The following TMCO6 variants were observed in gnomAD, a reference collection of about 807,000 sequenced individuals.
The protein encoded by TMCO6 is transmembrane and coiled-coil domains 6.
In TMCO6, 47 loss-of-function variants were observed where a neutral mutation model predicts 61.8. That is an observed-to-expected ratio of 0.76 (90% CI 0.60 to 0.97). The LOEUF (loss-of-function observed/expected upper bound fraction) is 0.97. Among genes scored for constraint, TMCO6 ranks in the 50% least tolerant of loss-of-function variants. The pLI, the probability that TMCO6 is intolerant of heterozygous loss-of-function variation, is 0.00. For missense variants in TMCO6, 557 were observed against 601.6 expected (o/e 0.93, Z 0.78); for synonymous variants, 261 against 254.2 (o/e 1.03, Z -0.25).
the TMCO6 span, among the ~76,000 whole-genome samples, chr5:140,613,337 C>T: frequency 1.4e-5 from 2 of 140,158 alleles, no homozygotes; most frequent in Non-Finnish European, 1.5e-5. Flanking sequence ...TGCAGTGAGC[C>T]GAGATCGTGC....
Position 140,642,439 on chromosome 5 carries a change from C to T in TMCO6, c.603+20C>T. The T allele has an allele frequency of 6.2e-7, 1 of 1,609,542 alleles. No individual in the cohort carries two copies. Among genetic ancestry groups the T allele is most frequent in the South Asian group, 1.1e-5 (1 of 90,412 alleles). On this transcript the variant is annotated intron_variant, in intron 5 of 11. Coordinates refer to ENST00000394671, the MANE Select transcript of TMCO6 (RefSeq NM_018502.5). ...ATCCAGGTGACTCCTTTCTTCCTCC[C>T]TGGGCAACCCTTCCTTTGCTCCTCC... is the stretch of plus-strand genomic sequence containing the variant.
the TMCO6 span, among the ~76,000 whole-genome samples, chr5:140,612,207 G>T: frequency 4.6e-5 from 7 of 152,064 alleles, no homozygotes; most frequent in Admixed American, 2.6e-4. Context: ...CCAACCATCC[G>T]ACCACAAAGT....
the TMCO6 span, among the ~76,000 whole-genome samples, chr5:140,617,669 G>A: frequency 6.6e-6 from 1 of 151,352 alleles, no homozygotes; most frequent in East Asian, 1.9e-4. Flanking sequence ...AGGATGCGGA[G>A]GTTGCAGTGA....
At chr5:140,625,377 T>G in the TMCO6 span, among the ~76,000 whole-genome samples, 1 of 152,214 alleles carries the variant, frequency 6.6e-6, no homozygotes, top group African/African-American at 2.4e-5. Context: ...CCACTTGCTA[T>G]CTCTCTGATA....
rs760769436 is a variant in TMCO6, at chr5:140,639,721, C to A, written c.86-18C>A. On this transcript the variant is annotated intron_variant, in intron 1 of 11. Transcript: ENST00000394671. ...TGTGGTCGTCCTTCCCACGCTCAGC[C>A]GGCTCCTCTGCCCCCAGCACTGCGG... is the stretch of plus-strand genomic sequence containing the variant. 6.3e-7 allele frequency: 1 copy of A among 1,575,160 alleles called. No individual in the cohort carries two copies. The highest frequency in any genetic ancestry group is 8.6e-7 in the Non-Finnish European group (1 of 1,160,628).
At chr5:140,600,548 C>T in the TMCO6 span, among the ~76,000 whole-genome samples, 39 of 151,880 alleles carry the variant, frequency 2.6e-4, no homozygotes, top group African/African-American at 8.9e-4. Flanking sequence ...TCACTGCAAC[C>T]TTCGCCTCCC....
chr5:140,645,115 C>T lies in TMCO6; in HGVS notation c.*17C>T. 1 of 1,607,280 alleles carries T rather than the reference C, an allele frequency of 6.2e-7. No homozygotes were observed. Among genetic ancestry groups the T allele is most frequent in the Non-Finnish European group, 8.5e-7 (1 of 1,174,012 alleles). On this transcript the variant is annotated 3_prime_UTR_variant, in exon 12 of 12. Transcript: ENST00000394671. ...CAAGGGTGATCTTGTTTCTCAATGTCACTCATTCCCCTCTCTCTTAACATC... is the reference window on the plus strand; with the variant it reads ...CAAGGGTGATCTTGTTTCTCAATGTTACTCATTCCCCTCTCTCTTAACATC...
downstream of TMCO6, chr5:140,647,603 G>A: frequency 2.5e-6 from 4 of 1,606,066 alleles, no homozygotes; most frequent in Non-Finnish European, 3.4e-6. Context: ...TATCGAAGTC[G>A]CCAATTCCAG....
In TMCO6 at chr5:140,641,652, C is replaced by G. The variant is rs1288103370; in HGVS notation, c.199-13C>G. The G allele has an allele frequency of 6.2e-7, 1 of 1,610,706 alleles. No homozygotes were observed. Among genetic ancestry groups the G allele is most frequent in the African/African-American group, 1.3e-5 (1 of 75,002 alleles). ...TGAACCGTGTGTTCTCCTTTCCCTG[C>G]CCTGAACTCCAGGTGCAGCAGTTCC... is the stretch of plus-strand genomic sequence containing the variant. On this transcript the variant is annotated splice_polypyrimidine_tract_variant and intron_variant, in intron 2 of 11. Transcript: ENST00000394671.
upstream of TMCO6, among the ~76,000 whole-genome samples, chr5:140,636,596 C>T (rs1756776280): frequency 6.6e-6 from 1 of 151,682 alleles, no homozygotes; most frequent in African/African-American, 2.4e-5. Context: ...GGCTCAAGAT[C>T]CAGGCCCTAT....
intron 7 of TMCO6, 108 bp from the exon 8 acceptor site, chr5:140,643,456 C>T: frequency 1.9e-6 from 2 of 1,065,610 alleles, no homozygotes; most frequent in Non-Finnish European, 2.9e-6. Flanking sequence ...CTCAGCCTCC[C>T]AAAGTGCTGG....
At chr5:140,628,158 G>A in the TMCO6 span, among the ~76,000 whole-genome samples, 13 of 146,278 alleles carry the variant, frequency 8.9e-5, no homozygotes, top group East Asian at 4.2e-4. Context: ...AGAGGCATGC[G>A]CCACCACACC....
At chr5:140,628,999 T>G in the TMCO6 span, among the ~76,000 whole-genome samples, 1 of 152,204 alleles carries the variant, frequency 6.6e-6, no homozygotes. Flanking sequence ...TTGGGTGCAG[T>G]GGCTTATGCC....
chr5:140,637,587 G>A (rs977214737), upstream of TMCO6, among the ~76,000 whole-genome samples: 1 of 152,150 alleles, frequency 6.6e-6, no homozygotes, highest in Non-Finnish European at 1.5e-5. Flanking sequence ...TTCAGGCCAT[G>A]ATGGGAAGTA....
the TMCO6 span, chr5:140,632,738 A>G: frequency 6.2e-7 from 1 of 1,613,642 alleles, no homozygotes; most frequent in Non-Finnish European, 8.5e-7. The surrounding 1 kb of genome is among the most constrained non-coding windows in gnomAD (Gnocchi z 6.2). Context: ...CCGTGTCAGC[A>G]TACTGCCGCG....
chr5:140,639,306 G>A, upstream of TMCO6: 1 of 545,828 alleles, frequency 1.8e-6, no homozygotes, highest in Non-Finnish European at 3.3e-6. Flanking sequence ...GACGCCTCTG[G>A]CTCTGGTCTA....
the TMCO6 span, chr5:140,632,265 A>T: frequency 1.2e-6 from 2 of 1,613,718 alleles, no homozygotes; most frequent in Non-Finnish European, 1.7e-6. The surrounding 1 kb of genome is among the most constrained non-coding windows in gnomAD (Gnocchi z 6.2). Flanking sequence ...TGCGGCGCAC[A>T]CGCCTGTGGG....
chr5:140,638,211 C>T (rs1337987402), upstream of TMCO6, among the ~76,000 whole-genome samples: 2 of 152,162 alleles, frequency 1.3e-5, no homozygotes, highest in African/African-American at 2.4e-5. Context: ...CCCCATTGGC[C>T]GGGGTCGGGT....
chr5:140,628,128 C>A, the TMCO6 span, among the ~76,000 whole-genome samples: 2 of 151,502 alleles, frequency 1.3e-5, no homozygotes, highest in Non-Finnish European at 2.9e-5. Context: ...CCTGCCTCAG[C>A]CTCTGGAGTA....
Sources: allele counts gnomAD v4.1 joint callset (sites outside exome capture counted in the v4.1 genomes callset), GRCh38; gene constraint gnomAD v4.1.1; non-coding constraint Gnocchi (gnomAD v3.1); transcripts MANE v1.5; gene names NCBI Gene and HGNC (gene_info 2026-07-23, HGNC 2026-07-21).